PSMD11: variants seen among roughly 807,000 people sequenced by gnomAD.
PSMD11 encodes 26S proteasome non-ATPase regulatory subunit 11.
PSMD11 carries 5 observed loss-of-function variants against 62.3 expected under a neutral mutation model. The ratio of observed to expected loss-of-function variants is 0.08; its 90% CI spans 0.04 to 0.17. PSMD11 has a LOEUF of 0.17. Among genes scored for constraint, PSMD11 ranks in the 10% least tolerant of loss-of-function variants. The pLI, the probability that PSMD11 is intolerant of heterozygous loss-of-function variation, is 1.00. For synonymous variants in PSMD11, 191 were observed against 191.8 expected (o/e 1.00, Z 0.03); for missense variants, 310 against 512.9 (o/e 0.60, Z 3.82).
At chr17:32,453,910 T>C (rs1597831779) in intron 2 of PSMD11, among the ~76,000 whole-genome samples, 1 of 152,138 alleles carries the variant, frequency 6.6e-6, no homozygotes, top group Admixed American at 6.6e-5. Context: ...ATAGCAGCAC[T>C]TTAAGGGCAA....
At position 32,474,798 on chromosome 17, in the gene PSMD11, C is replaced by T. The variant is rs1908270090; in HGVS notation, c.823C>T (p.Leu275Phe). 6.2e-7 allele frequency: 1 copy of T among 1,614,094 alleles called. No individual in the cohort carries two copies. The highest frequency in any genetic ancestry group is 1.7e-5 in the Admixed American group (1 of 60,010). ...EDVQALVSGKLALRYAGRQTE... is the reference protein window; with the variant it reads ...EDVQALVSGKFALRYAGRQTE... ...TGTCCAGGCTTTGGTGAGCGGGAAG[C>T]TTGCACTTCGGTATGCAGGGAGGCA... is the stretch of plus-strand genomic sequence containing the variant. Residue 275 changes from leucine to phenylalanine, a missense_variant, in exon 8 of 14, where the codon CTT (leucine) becomes TTT (phenylalanine). Physicochemically the swap from Leu to Phe is conservative, Grantham distance 22. Coordinates refer to ENST00000261712, the MANE Select transcript of PSMD11 (RefSeq NM_002815.4).
At chr17:32,470,438 G>A (rs184669495) in intron 6 of PSMD11, among the ~76,000 whole-genome samples, 6 of 152,144 alleles carry the variant, frequency 3.9e-5, no homozygotes, top group East Asian at 3.9e-4. Context: ...TCAGCCTCCC[G>A]AGTAGCTGGG....
chr17:32,450,581 T>G (rs1263271090), intron 2 of PSMD11, among the ~76,000 whole-genome samples: 1 of 151,884 alleles, frequency 6.6e-6, no homozygotes, highest in Non-Finnish European at 1.5e-5. Flanking sequence ...TCTGTGAGGT[T>G]CTGACAAGGA....
intron 3 of PSMD11, among the ~76,000 whole-genome samples, chr17:32,456,174 G>A (rs1264744941): frequency 4.7e-5 from 7 of 149,698 alleles, no homozygotes; most frequent in Non-Finnish European, 7.4e-5. Flanking sequence ...AATCATGAAA[G>A]TGATACCATT....
chr17:32,475,835 C>T lies in PSMD11; in HGVS notation c.849+1011C>T, dbSNP rs76548411. Among the ~76,000 whole-genome samples, 54 of 151,840 alleles carry T rather than the reference C, an allele frequency of 3.6e-4. 1 individual carries two copies. The East Asian group carries it at 7.1e-3, about 20-fold the overall frequency. On this transcript the variant is annotated intron_variant, in intron 8 of 13. Coordinates refer to ENST00000261712, the MANE Select transcript of PSMD11 (RefSeq NM_002815.4). ...CCCAAACTCCTAACCTCAAGTGATC[C>T]GCCCACCTCAACCTCCAAAAGTGCT...
intron 2 of PSMD11, among the ~76,000 whole-genome samples, chr17:32,454,162 A>G (rs1179699752): frequency 6.6e-6 from 1 of 152,232 alleles, no homozygotes; most frequent in Non-Finnish European, 1.5e-5. Flanking sequence ...AGCATATTTC[A>G]TGTTCTAGAA....
intron 6 of PSMD11, among the ~76,000 whole-genome samples, chr17:32,472,984 C>T (rs1908213763): frequency 6.6e-6 from 1 of 151,072 alleles, no homozygotes; most frequent in African/African-American, 2.4e-5. Context: ...ACGGTGAAAC[C>T]AGTCTCTACT....
chr17:32,473,760 A>G (rs1183092948), intron 6 of PSMD11, 41 bp from the exon 7 acceptor site: 5 of 1,603,520 alleles, frequency 3.1e-6, no homozygotes, highest in African/African-American at 1.3e-5. Context: ...TTATGGCTCT[A>G]TTATTTTATA....
intron 2 of PSMD11, among the ~76,000 whole-genome samples, chr17:32,449,172 A>T (rs1036927280): frequency 4.6e-5 from 7 of 152,184 alleles, no homozygotes; most frequent in Non-Finnish European, 7.3e-5. Flanking sequence ...TGGTAGGCTG[A>T]GGTAGGAGGA....
intron 6 of PSMD11, among the ~76,000 whole-genome samples, chr17:32,470,423 C>T (rs528476016): frequency 8.5e-5 from 13 of 152,236 alleles, no homozygotes; most frequent in African/African-American, 3.1e-4. Context: ...AGCGATTCTC[C>T]TGTCTCAGCC....
At chr17:32,450,144 A>G (rs116234270) in intron 2 of PSMD11, among the ~76,000 whole-genome samples, 2 of 152,066 alleles carry the variant, frequency 1.3e-5, no homozygotes, top group African/African-American at 4.8e-5. Flanking sequence ...TATTTTTAGT[A>G]GAGGCGGAGT....
Position 32,474,061 on chromosome 17 carries a change from C to T in PSMD11, c.788+116C>T, listed in dbSNP as rs574770360. 41 of 1,302,918 alleles carry T rather than the reference C, an allele frequency of 3.1e-5. No homozygotes were observed. The East Asian group carries it at 6.1e-4, about 19-fold the overall frequency. 80.7% of individuals were successfully genotyped at this position (1,302,918 alleles called of 1,614,324 possible). A position where few individuals can be genotyped will look rare whatever the true frequency, so the allele number is the denominator to read the frequency against. On this transcript the variant is annotated intron_variant, in intron 7 of 13. Coordinates refer to ENST00000261712, the MANE Select transcript of PSMD11 (RefSeq NM_002815.4). Reference sequence around the variant, plus strand: ...CCAGTTACAGAAACAGCAGCAGCTGCGGCCTCTAGGGCTGGCTAAGGTAGA... The same window carrying T: ...CCAGTTACAGAAACAGCAGCAGCTGTGGCCTCTAGGGCTGGCTAAGGTAGA...
chr17:32,477,912 C>G (rs1908377172), intron 9 of PSMD11: 1 of 177,746 alleles, frequency 5.6e-6, no homozygotes, highest in Admixed American at 5.9e-5. Flanking sequence ...CAGGAGGACA[C>G]TCAAAGTCAC....
intron 9 of PSMD11, 38 bp from the exon 10 acceptor site, chr17:32,479,212 AT>A: frequency 6.2e-7 from 1 of 1,608,414 alleles, no homozygotes; most frequent in South Asian, 1.1e-5. Context: ...CTTTAAAGTG[AT>A]TCTCTGTGCC....
intron 1 of PSMD11, chr17:32,445,560 G>A (rs146542580): frequency 6.6e-6 from 1 of 152,218 alleles, no homozygotes; most frequent in Non-Finnish European, 1.5e-5. Context: ...AATTTATTAC[G>A]ACAGAAGAAG....
chr17:32,445,347 G>C (rs2150826888), intron 1 of PSMD11: 1 of 152,446 alleles, frequency 6.6e-6, no homozygotes, highest in East Asian at 1.9e-4. Context: ...GTAGGGGTTG[G>C]AAGTGAGTTA....
intron 2 of PSMD11, among the ~76,000 whole-genome samples, chr17:32,453,723 C>G (rs984326092): frequency 8.5e-5 from 13 of 152,276 alleles, no homozygotes; most frequent in Non-Finnish European, 1.9e-4. Flanking sequence ...TTGAACCATT[C>G]TCTAATTTTT....
chr17:32,446,843 T>C, intron 1 of PSMD11, 102 bp from the exon 2 acceptor site: 1 of 605,240 alleles, frequency 1.7e-6, no homozygotes, highest in Non-Finnish European at 2.7e-6. Context: ...TGTCTTTTGG[T>C]AAATATGTTT....
intron 6 of PSMD11, 58 bp from the exon 7 acceptor site, chr17:32,473,743 T>C (rs1453349395): frequency 1.9e-6 from 3 of 1,583,238 alleles, no homozygotes; most frequent in Non-Finnish European, 1.7e-6. Flanking sequence ...CTCCCAGCTC[T>C]GATCTTTTAT....
Sources: allele counts gnomAD v4.1 joint callset (sites outside exome capture counted in the v4.1 genomes callset), GRCh38; gene constraint gnomAD v4.1.1; transcripts MANE v1.5; gene names NCBI Gene and HGNC (gene_info 2026-07-23, HGNC 2026-07-21).